PCDH15: variants seen among roughly 807,000 people sequenced by gnomAD.
The protein encoded by PCDH15 is protocadherin-15.
PCDH15 carries 129 observed loss-of-function variants against 178.5 expected under a neutral mutation model. The ratio of observed to expected loss-of-function variants is 0.72; its 90% CI spans 0.63 to 0.84. The LOEUF (loss-of-function observed/expected upper bound fraction) is 0.84. PCDH15 is among the 40% of genes least tolerant of loss of function. The pLI, the probability that PCDH15 is intolerant of heterozygous loss-of-function variation, is 0.00. For missense variants in PCDH15, 2,230 were observed against 2,099.9 expected, an observed-to-expected ratio of 1.06 and a Z score of -1.21; for synonymous variants, 800 against 732.0, an observed-to-expected ratio of 1.09 and a Z score of -1.50.
intron 3 of PCDH15, among the ~76,000 whole-genome samples, chr10:54,483,535 T>C (rs1051793764): frequency 6.6e-6 from 1 of 151,802 alleles, no homozygotes; most frequent in African/African-American, 2.4e-5. Context: ...TAAATTGAGA[T>C]TCTCAGTGAG....
At chr10:55,004,790 T>C (rs746054307) in intron 2 of PCDH15, among the ~76,000 whole-genome samples, 1 of 152,180 alleles carries the variant, frequency 6.6e-6, no homozygotes, top group East Asian at 1.9e-4. Flanking sequence ...CAGGAAGACC[T>C]ACACTGAATC....
intron 2 of PCDH15, among the ~76,000 whole-genome samples, chr10:54,586,771 G>T (rs2091497865): frequency 6.6e-6 from 1 of 152,118 alleles, no homozygotes; most frequent in African/African-American, 2.4e-5. Flanking sequence ...TGGGATTACA[G>T]GCATGAGCCA....
chr10:55,082,379 A>G (rs1258311084), intron 2 of PCDH15, among the ~76,000 whole-genome samples: 1 of 151,984 alleles, frequency 6.6e-6, no homozygotes, highest in Admixed American at 6.6e-5. Flanking sequence ...ATGAAAACAC[A>G]ACATATCAAA....
intron 1 of PCDH15, among the ~76,000 whole-genome samples, chr10:54,715,234 T>C (rs1482722847): frequency 6.6e-6 from 1 of 152,206 alleles, no homozygotes; most frequent in East Asian, 1.9e-4. Context: ...GTTTGATTTT[T>C]CTATCCATTA....
At chr10:55,418,407 G>A (rs946338955) in intron 2 of PCDH15, among the ~76,000 whole-genome samples, 4 of 151,772 alleles carry the variant, frequency 2.6e-5, no homozygotes, top group Admixed American at 1.3e-4. Context: ...CCTTATGTGC[G>A]TAGTGGGATC....
At chr10:53,862,869 A>G (rs1041285777) in intron 27 of PCDH15, among the ~76,000 whole-genome samples, 1 of 152,208 alleles carries the variant, frequency 6.6e-6, no homozygotes, top group Non-Finnish European at 1.5e-5. Context: ...TGTTTAGGAC[A>G]CTTTCGTTGA....
intron 3 of PCDH15, among the ~76,000 whole-genome samples, chr10:54,816,015 A>G (rs943968849): frequency 6.6e-6 from 1 of 152,048 alleles, no homozygotes; most frequent in Non-Finnish European, 1.5e-5. Context: ...AGTTTGGGGA[A>G]AGTCAAAAGT....
At chr10:54,744,505 C>A in intron 1 of PCDH15, among the ~76,000 whole-genome samples, 1 of 151,968 alleles carries the variant, frequency 6.6e-6, no homozygotes, top group South Asian at 2.1e-4. Flanking sequence ...TTAACATAAA[C>A]AAAACTCATC....
chr10:55,571,394 T>A (rs1842405539), intron 2 of PCDH15, among the ~76,000 whole-genome samples: 1 of 152,070 alleles, frequency 6.6e-6, no homozygotes, highest in African/African-American at 2.4e-5. Flanking sequence ...ACACAATATT[T>A]TTAATGGAAA....
At chr10:55,323,021 C>G (rs906535895), upstream of PCDH15, among the ~76,000 whole-genome samples, 1 of 152,128 alleles carries the variant, frequency 6.6e-6, no homozygotes, top group Admixed American at 6.5e-5. Context: ...TGTGTCCCAG[C>G]TGCTTCAGCT....
At chr10:54,240,050 A>G (rs73252357) in intron 8 of PCDH15, among the ~76,000 whole-genome samples, 10,014 of 152,214 alleles carry the variant, frequency 0.066, 1,071 homozygotes, top group African/African-American at 0.22. Flanking sequence ...CAGACAATTT[A>G]TATACATTAA....
intron 3 of PCDH15, among the ~76,000 whole-genome samples, chr10:54,895,167 G>C (rs924489532): frequency 6.6e-6 from 1 of 152,142 alleles, no homozygotes; most frequent in African/African-American, 2.4e-5. Context: ...ACCCTGTTAA[G>C]AGTAGAACAA....
rs145368430 is a variant in PCDH15, at chr10:55,104,842, C to T, written c.-80+61734G>A. Among the ~76,000 whole-genome samples, 34 of 152,284 alleles carry T rather than the reference C, an allele frequency of 2.2e-4. No homozygotes were observed. In the East Asian group the frequency reaches 5.2e-3, roughly 23 times the overall value. On this transcript the variant is annotated intron_variant, in intron 2 of 5. Coordinates refer to the PCDH15 transcript ENST00000458638. ...TTAAGGTTTATGATACTGCACTAAA[C>T]ATGATGAACAATATGCAAGAACTTC...
At chr10:55,556,218 G>C (rs1232056523) in intron 2 of PCDH15, among the ~76,000 whole-genome samples, 1 of 151,898 alleles carries the variant, frequency 6.6e-6, no homozygotes, top group African/African-American at 2.4e-5. Context: ...GAACACTTAG[G>C]CTTTTCCAAA....
chr10:54,375,514 T>C (rs1356151659), intron 4 of PCDH15, among the ~76,000 whole-genome samples: 1 of 152,000 alleles, frequency 6.6e-6, no homozygotes, highest in Non-Finnish European at 1.5e-5. Context: ...TCCCATCAGC[T>C]GGAAATCATT....
intron 3 of PCDH15, among the ~76,000 whole-genome samples, chr10:54,470,062 C>T (rs1372732602): frequency 2.0e-5 from 3 of 152,060 alleles, no homozygotes; most frequent in East Asian, 1.9e-4. Context: ...CTTCCCTCAG[C>T]CCCCCGGTAG....
At chr10:54,247,096 T>C (rs1037137305) in intron 8 of PCDH15, among the ~76,000 whole-genome samples, 2 of 151,998 alleles carry the variant, frequency 1.3e-5, no homozygotes, top group Non-Finnish European at 2.9e-5. Context: ...ATTTAGACCC[T>C]ATTAGTGTTA....
chr10:54,520,907 C>T (rs1479719250), intron 3 of PCDH15, among the ~76,000 whole-genome samples: 1 of 151,764 alleles, frequency 6.6e-6, no homozygotes, highest in Non-Finnish European at 1.5e-5. Context: ...AGTTCATGTC[C>T]TTTGTAGGGA....
intron 21 of PCDH15, among the ~76,000 whole-genome samples, chr10:53,983,582 G>A (rs1273459210): frequency 6.6e-6 from 1 of 152,084 alleles, no homozygotes; most frequent in African/African-American, 2.4e-5. Flanking sequence ...ATTTAAGATT[G>A]TAAAAAATAC....
Sources: gnomAD v4.1 joint callset for allele counts (sites outside exome capture counted in the v4.1 genomes callset) on GRCh38, gnomAD v4.1.1 for gene constraint, MANE v1.5 for transcripts, NCBI Gene and HGNC (gene_info 2026-07-23, HGNC 2026-07-21) for gene names.